The following CSDC2 variants were observed in gnomAD, a reference collection of about 807,000 sequenced individuals.
The protein encoded by CSDC2 is cold shock domain containing C2, also known as cold shock domain-containing protein C2.
CSDC2 carries 8 observed loss-of-function variants against 15.8 expected under a neutral mutation model. The observed-to-expected ratio is 0.51, with a 90% CI of 0.30 to 0.92. CSDC2 has a LOEUF of 0.92. CSDC2 is among the 40% of genes least tolerant of loss of function. The probability of loss-of-function intolerance (pLI) is 0.07; values close to 1 mark genes in which losing one functional copy is unlikely to be tolerated. For missense variants in CSDC2, 195 were observed against 213.3 expected, an observed-to-expected ratio of 0.91 and a Z score of 0.53; for synonymous variants, 96 against 92.3, an observed-to-expected ratio of 1.04 and a Z score of -0.23.
chr22:41,573,643 C>A lies in CSDC2; in HGVS notation c.177-12C>A, dbSNP rs767225781. The stretch of plus-strand genomic sequence containing the variant: ...TCAGGCCACAGCTCCAATCCCACTA[C>A]CCTATCTCCAGGACAGCCCGGGCCT... On this transcript the variant is annotated splice_polypyrimidine_tract_variant and intron_variant, in intron 2 of 3. Transcript: ENST00000306149. 2 of 1,608,176 alleles carry A rather than the reference C, an allele frequency of 1.2e-6. No individual in the cohort carries two copies. Among genetic ancestry groups the A allele is most frequent in the African/African-American group, 2.7e-5 (2 of 74,720 alleles).
At chr22:41,565,479 T>C (rs528422046) in intron 1 of CSDC2, among the ~76,000 whole-genome samples, 1 of 145,722 alleles carries the variant, frequency 6.9e-6, no homozygotes, top group Non-Finnish European at 1.5e-5. Flanking sequence ...AAGAGGACTA[T>C]GGCCAGGCAC....
chr22:41,566,454 A>C (rs1342377742), intron 1 of CSDC2, among the ~76,000 whole-genome samples: 2 of 145,480 alleles, frequency 1.4e-5, no homozygotes, highest in East Asian at 2.0e-4. Flanking sequence ...AAAAAAAAAA[A>C]AAAAAAAAAA....
chr22:41,573,867 T>C, intron 3 of CSDC2, 90 bp downstream of exon 3: 1 of 1,472,398 alleles, frequency 6.8e-7, no homozygotes, highest in African/African-American at 1.4e-5. Flanking sequence ...CTCCTCTCAC[T>C]GGCTGAGGTC....
At position 41,573,735 on chromosome 22, in the gene CSDC2, C is replaced by A. The variant is rs760462831; in HGVS notation, c.257C>A (p.Thr86Asn). 2.5e-6 allele frequency: 4 copies of A among 1,613,858 alleles called. No individual in the cohort carries two copies. Among genetic ancestry groups the A allele is most frequent in the Non-Finnish European group, 8.5e-7 (1 of 1,179,898 alleles). ...CGCTCACAGGGCCATGGCTTCATCA[C>A]CCCCGAGAACGGGTCCGAGGACATC... Reference protein sequence around the residue: ...FSRSQGHGFITPENGSEDIFV... With the variant: ...FSRSQGHGFINPENGSEDIFV... The change falls in exon 3 of 4, where the codon ACC becomes AAC. Residue 86 changes from threonine to asparagine, a missense_variant. By Grantham distance (65) the Thr-to-Asn change is moderately conservative. Coordinates refer to ENST00000306149, the MANE Select transcript of CSDC2 (RefSeq NM_014460.4).
chr22:41,569,774 T>C (rs964540733), intron 1 of CSDC2, among the ~76,000 whole-genome samples: 2 of 146,136 alleles, frequency 1.4e-5, no homozygotes, highest in African/African-American at 5.1e-5. Flanking sequence ...GTTTGTGTGG[T>C]TGCTTTTTTT....
chr22:41,575,656 A>G lies in CSDC2; in HGVS notation c.*761A>G, dbSNP rs993354426. 7.2e-5 allele frequency: 11 copies of G among 152,570 alleles called. No homozygotes were observed. Among genetic ancestry groups the G allele is most frequent in the African/African-American group, 2.7e-4 (11 of 41,454 alleles). The allele number at this position is 152,570 out of a possible 1,614,324, so 9.5% of individuals were successfully genotyped here. Reference sequence around the variant, plus strand: ...AGGGGTTTGCAGAGGGTGGGGGTCCATCTCTCCAGCTTGGCTGCAGACCTC... The same window carrying G: ...AGGGGTTTGCAGAGGGTGGGGGTCCGTCTCTCCAGCTTGGCTGCAGACCTC... On this transcript the variant is annotated 3_prime_UTR_variant, in exon 4 of 4. Coordinates refer to ENST00000306149, the MANE Select transcript of CSDC2 (RefSeq NM_014460.4).
chr22:41,565,363 T>C (rs2067108499), intron 1 of CSDC2, among the ~76,000 whole-genome samples: 3 of 149,724 alleles, frequency 2.0e-5, no homozygotes, highest in Non-Finnish European at 4.4e-5. Context: ...GGAAGGAGAA[T>C]TGCTTGAACC....
intron 1 of CSDC2, among the ~76,000 whole-genome samples, chr22:41,570,086 G>A (rs2067137675): frequency 6.6e-6 from 1 of 152,122 alleles, no homozygotes; most frequent in South Asian, 2.1e-4. Flanking sequence ...GGCTGTTTGT[G>A]TGGTTGCTTC....
In CSDC2 at chr22:41,575,260, C is replaced by A; in HGVS notation, c.*365C>A. 3.3e-6 allele frequency: 1 copy of A among 303,308 alleles called. No individual in the cohort carries two copies. The allele number at this position is 303,308 out of a possible 1,614,324, so 18.8% of individuals were successfully genotyped here. A position where few individuals can be genotyped will look rare whatever the true frequency, so the allele number is the denominator to read the frequency against. The stretch of plus-strand genomic sequence containing the variant: ...AGCCTGCGCTGGGCTCACTCCCTGG[C>A]CTCCGCCCCTGAGCTGTCCCGTGTC... On this transcript the variant is annotated 3_prime_UTR_variant, in exon 4 of 4. Coordinates refer to ENST00000306149, the MANE Select transcript of CSDC2 (RefSeq NM_014460.4).
rs1045955849 is a variant in CSDC2 at position 41,575,071 on chromosome 22, C to T, written c.*176C>T. On this transcript the variant is annotated 3_prime_UTR_variant, in exon 4 of 4. Coordinates refer to ENST00000306149, the MANE Select transcript of CSDC2 (RefSeq NM_014460.4). ...TGAGCGTGTGCCTCCACCCACCCCA[C>T]GACCCGTGACTACTGTGCAAGCTGG... 1.8e-5 allele frequency: 14 copies of T among 771,198 alleles called. No individual in the cohort carries two copies. The highest frequency in any genetic ancestry group is 2.7e-5 in the East Asian group (1 of 36,884). 47.8% of individuals were successfully genotyped at this position (771,198 alleles called of 1,614,324 possible).
intron 1 of CSDC2, among the ~76,000 whole-genome samples, chr22:41,562,630 G>C (rs931499230): frequency 6.6e-6 from 1 of 152,032 alleles, no homozygotes; most frequent in Non-Finnish European, 1.5e-5. Flanking sequence ...GAGCCCCCTA[G>C]GGGGTAGAGG....
At chr22:41,564,542 G>A (rs532893819) in intron 1 of CSDC2, among the ~76,000 whole-genome samples, 2 of 152,156 alleles carry the variant, frequency 1.3e-5, no homozygotes, top group East Asian at 1.9e-4. Flanking sequence ...TTACAGGTGT[G>A]AGCCACCACT....
chr22:41,566,143 TA>T (rs35579661), intron 1 of CSDC2, among the ~76,000 whole-genome samples: 26,694 of 103,252 alleles, frequency 0.26, 3,260 homozygotes, highest in Admixed American at 0.45. Context: ...CATCTCTGAT[TA>T]AAAAAAAAAA....
At chr22:41,568,382 C>G (rs2067127807) in intron 1 of CSDC2, among the ~76,000 whole-genome samples, 2 of 152,140 alleles carry the variant, frequency 1.3e-5, no homozygotes, top group South Asian at 4.1e-4. Context: ...CTCCTGGGTT[C>G]AAGCAATCCT....
chr22:41,568,622 G>A (rs895636473), intron 1 of CSDC2, among the ~76,000 whole-genome samples: 2 of 152,184 alleles, frequency 1.3e-5, no homozygotes, highest in Admixed American at 6.6e-5. Context: ...CCCAGATAAG[G>A]AAACTGAGGC....
intron 1 of CSDC2, among the ~76,000 whole-genome samples, chr22:41,561,479 G>A (rs987110828): frequency 1.7e-4 from 26 of 152,230 alleles, no homozygotes; most frequent in African/African-American, 6.3e-4. Context: ...TACCTGCCAA[G>A]CCGCAGCCTC....
chr22:41,564,015 C>T (rs1367885589), intron 1 of CSDC2, among the ~76,000 whole-genome samples: 5 of 148,170 alleles, frequency 3.4e-5, no homozygotes, highest in Admixed American at 6.8e-5. Context: ...ACCTGGGAGG[C>T]GGAGCTTGCA....
chr22:41,573,033 C>G (rs988156906), intron 2 of CSDC2, among the ~76,000 whole-genome samples: 5 of 152,084 alleles, frequency 3.3e-5, no homozygotes, highest in African/African-American at 1.2e-4. Flanking sequence ...GTGCCACCAC[C>G]CCCAGCTCAT....
At position 41,561,081 on chromosome 22, in the gene CSDC2, C is replaced by CACACACACACACACACA. The variant is rs370154480; in HGVS notation, c.-225_-224insCACACACACACACACAA. Reference sequence around the variant, plus strand: ...ACACACACACACACACACACACACACATCTTCCAGACCCATCCCCTGCCTG... The same window carrying CACACACACACACACACA: ...ACACACACACACACACACACACACACACACACACACACACACAATCTTCCAGACCCATCCCCTGCCTG... On this transcript the variant is annotated 5_prime_UTR_variant, in exon 1 of 4. Transcript: ENST00000306149. 1.5e-5 allele frequency: 1 copy of CACACACACACACACACA among 67,752 alleles called. No homozygotes were observed. Among genetic ancestry groups the CACACACACACACACACA allele is most frequent in the African/African-American group, 3.7e-5 (1 of 26,928 alleles). 4.2% of individuals were successfully genotyped at this position (67,752 alleles called of 1,614,324 possible). A position where few individuals can be genotyped will look rare whatever the true frequency, so the allele number is the denominator to read the frequency against.
Sources: gnomAD v4.1 joint callset for allele counts (sites outside exome capture counted in the v4.1 genomes callset) on GRCh38, gnomAD v4.1.1 for gene constraint, MANE v1.5 for transcripts, NCBI Gene and HGNC (gene_info 2026-07-23, HGNC 2026-07-21) for gene names.